QTMAN: variants seen among roughly 807,000 people sequenced by gnomAD.
QTMAN encodes queuosine-tRNA mannosyltransferase.
At chr2:143,999,269 CA>C in the QTMAN span, among the ~76,000 whole-genome samples, 31 of 152,030 alleles carry the variant, frequency 2.0e-4, no homozygotes, top group African/African-American at 6.7e-4. Flanking sequence ...CATTCACAGT[CA>C]GGGGGATTAA....
chr2:144,269,370 AAG>A, the QTMAN span, among the ~76,000 whole-genome samples: 4 of 152,270 alleles, frequency 2.6e-5, no homozygotes, highest in East Asian at 7.7e-4. Flanking sequence ...AGAGGAGAGA[AAG>A]AGATTCTGCT....
the QTMAN span, among the ~76,000 whole-genome samples, chr2:144,242,960 TAAAAAAAAA>T: frequency 1.3e-5 from 1 of 77,806 alleles, no homozygotes; most frequent in Admixed American, 1.4e-4. Context: ...AGACTCTACT[TAAAAAAAAA>T]AAAAAAAAAA....
At chr2:144,091,730 T>C in the QTMAN span, among the ~76,000 whole-genome samples, 4 of 152,312 alleles carry the variant, frequency 2.6e-5, no homozygotes, top group African/African-American at 9.6e-5. Flanking sequence ...AAGACTTGCA[T>C]GCAAATGTTC....
the QTMAN span, chr2:144,011,637 T>C: frequency 1.1e-6 from 1 of 915,438 alleles, no homozygotes; most frequent in Non-Finnish European, 1.3e-6. Context: ...TGTTCTATGC[T>C]AGTAAAAAAA....
the QTMAN span, among the ~76,000 whole-genome samples, chr2:144,208,970 A>G: frequency 2.0e-5 from 3 of 152,192 alleles, no homozygotes; most frequent in African/African-American, 7.2e-5. Context: ...TAACACTTAA[A>G]GTTTTATATC....
chr2:144,038,569 A>C, the QTMAN span, among the ~76,000 whole-genome samples: 3 of 152,218 alleles, frequency 2.0e-5, no homozygotes, highest in Non-Finnish European at 4.4e-5. Context: ...TATTGTATGC[A>C]ATAAAACATT....
At chr2:144,136,508 G>A in the QTMAN span, among the ~76,000 whole-genome samples, 1 of 151,942 alleles carries the variant, frequency 6.6e-6, no homozygotes, top group Non-Finnish European at 1.5e-5. Flanking sequence ...AGACGGGAAA[G>A]GAAGATGTAA....
chr2:144,014,013 C>T, the QTMAN span, among the ~76,000 whole-genome samples: 9 of 152,180 alleles, frequency 5.9e-5, no homozygotes, highest in South Asian at 4.2e-4. Context: ...CCCATTCCTC[C>T]GTCACACTAT....
At chr2:144,221,549 A>G in the QTMAN span, among the ~76,000 whole-genome samples, 248 of 152,278 alleles carry the variant, frequency 1.6e-3, no homozygotes, top group Middle Eastern at 6.8e-3. Flanking sequence ...TAAAACTGGG[A>G]ATCATTTTGT....
At chr2:144,199,523 C>A in the QTMAN span, among the ~76,000 whole-genome samples, 4 of 152,174 alleles carry the variant, frequency 2.6e-5, no homozygotes, top group African/African-American at 9.6e-5. Context: ...GGCAAATAAT[C>A]ATGAAGGGCT....
the QTMAN span, among the ~76,000 whole-genome samples, chr2:144,314,021 T>C: frequency 4.6e-5 from 7 of 151,982 alleles, no homozygotes; most frequent in Non-Finnish European, 5.9e-5. Context: ...ATAGCAATCC[T>C]ATCAAAGAAT....
the QTMAN span, among the ~76,000 whole-genome samples, chr2:144,172,642 A>G: frequency 6.6e-6 from 1 of 151,516 alleles, no homozygotes; most frequent in Non-Finnish European, 1.5e-5. Context: ...AAAAAAAAAA[A>G]AAGACTTCTT....
chr2:144,253,572 TA>T, the QTMAN span, among the ~76,000 whole-genome samples: 1 of 152,002 alleles, frequency 6.6e-6, no homozygotes, highest in Non-Finnish European at 1.5e-5. Flanking sequence ...TGTTGGGAAA[TA>T]GAGTAAAGTT....
At chr2:144,194,525 T>C in the QTMAN span, among the ~76,000 whole-genome samples, 1 of 152,338 alleles carries the variant, frequency 6.6e-6, no homozygotes, top group Admixed American at 6.5e-5. Flanking sequence ...CTAATATTTG[T>C]AAGTTGGGAT....
At chr2:144,218,723 T>G in the QTMAN span, among the ~76,000 whole-genome samples, 1 of 152,144 alleles carries the variant, frequency 6.6e-6, no homozygotes, top group Admixed American at 6.5e-5. Flanking sequence ...TACTCTAACA[T>G]ACAAATATTC....
chr2:143,961,788 T>G, the QTMAN span, among the ~76,000 whole-genome samples: 2 of 152,098 alleles, frequency 1.3e-5, no homozygotes, highest in East Asian at 3.9e-4. Flanking sequence ...GAGTAGACTT[T>G]AAGCCCAGGG....
chr2:143,980,402 T>C, the QTMAN span, among the ~76,000 whole-genome samples: 5 of 152,234 alleles, frequency 3.3e-5, no homozygotes, highest in Admixed American at 6.5e-5. Flanking sequence ...TACCTATTCA[T>C]GTCTGTTACA....
chr2:144,252,022 C>T, the QTMAN span, among the ~76,000 whole-genome samples: 1 of 151,822 alleles, frequency 6.6e-6, no homozygotes, highest in Admixed American at 6.6e-5. Context: ...ACAGTGAGAA[C>T]CTGCCTCTAT....
the QTMAN span, among the ~76,000 whole-genome samples, chr2:144,088,532 A>AAT: frequency 6.6e-6 from 1 of 152,130 alleles, no homozygotes; most frequent in Non-Finnish European, 1.5e-5. Context: ...AGGCAAAAAC[A>AAT]ATAAAGCTGG....
Sources: allele counts gnomAD v4.1 joint callset (sites outside exome capture counted in the v4.1 genomes callset), GRCh38; gene constraint gnomAD v4.1.1; transcripts MANE v1.5; gene names NCBI Gene and HGNC (gene_info 2026-07-23, HGNC 2026-07-21).